The following DHX32 variants were observed in gnomAD, a reference collection of about 807,000 sequenced individuals.
DHX32 encodes putative pre-mRNA-splicing factor ATP-dependent RNA helicase DHX32.
DHX32 carries 51 observed loss-of-function variants against 70.0 expected under a neutral mutation model. The ratio of observed to expected loss-of-function variants is 0.73; its 90% CI spans 0.58 to 0.92. The LOEUF (loss-of-function observed/expected upper bound fraction) is 0.92, where lower values mean the gene tolerates loss of function less well. Ranked by LOEUF, DHX32 falls within the 40% of genes least tolerant of loss-of-function variation. DHX32 has a pLI of 0.00. For missense variants in DHX32, 762 were observed against 891.8 expected (o/e 0.85, Z 1.85); for synonymous variants, 310 against 315.3 (o/e 0.98, Z 0.18).
At chr10:125,873,527 G>C (rs1017309830) in intron 1 of DHX32, among the ~76,000 whole-genome samples, 1 of 152,010 alleles carries the variant, frequency 6.6e-6, no homozygotes, top group African/African-American at 2.4e-5. Context: ...TTCAGTACCA[G>C]AAAAACAGAA....
chr10:125,885,560 GA>G (rs1589719180), upstream of DHX32, among the ~76,000 whole-genome samples: 3 of 152,154 alleles, frequency 2.0e-5, no homozygotes, highest in East Asian at 5.8e-4. Flanking sequence ...TGACCTCTAG[GA>G]GCTAGAAGAG....
chr10:125,874,714 T>G (rs1386957389), intron 1 of DHX32, among the ~76,000 whole-genome samples: 1 of 152,154 alleles, frequency 6.6e-6, no homozygotes, highest in Non-Finnish European at 1.5e-5. Flanking sequence ...GAATAAACCC[T>G]GTAGTGCTAA....
At position 125,867,141 on chromosome 10, in the gene DHX32, G is replaced by T; in HGVS notation, c.325C>A (p.Gln109Lys). 1 of 1,614,106 alleles carries T rather than the reference G, an allele frequency of 6.2e-7. No homozygotes were observed. The highest frequency in any genetic ancestry group is 8.5e-7 in the Non-Finnish European group (1 of 1,180,016). ...CAEYCLSIHY[Q>K]HGGVICTQVH... Reference sequence around the variant, plus strand: ...TGTGTGCATATCACGCCCCCGTGCTGGTAGTGGATGGAAAGACAATATTCA... The same window carrying T: ...TGTGTGCATATCACGCCCCCGTGCTTGTAGTGGATGGAAAGACAATATTCA... The change falls in exon 2 of 11, where the codon CAG (glutamine) becomes AAG (lysine). Residue 109 changes from glutamine to lysine, a missense_variant. Around this residue, in one of 3 missense-constraint regions of DHX32, gnomAD observed 394 missense variants for 473.1 expected, o/e 0.83. Transcript: ENST00000284690.
intron 1 of DHX32, among the ~76,000 whole-genome samples, chr10:125,867,590 G>C (rs1025420733): frequency 6.6e-6 from 1 of 152,092 alleles, no homozygotes; most frequent in Admixed American, 6.6e-5. Context: ...CAAAAAATTA[G>C]CTAGGCGTGG....
chr10:125,840,141 T>C (rs1008191635), intron 8 of DHX32, among the ~76,000 whole-genome samples: 1 of 152,246 alleles, frequency 6.6e-6, no homozygotes, highest in Non-Finnish European at 1.5e-5. Context: ...CCTTACTGGC[T>C]GCCCTTTATG....
At chr10:125,848,749 G>A (rs1435622220) in intron 6 of DHX32, among the ~76,000 whole-genome samples, 1 of 152,196 alleles carries the variant, frequency 6.6e-6, no homozygotes, top group East Asian at 1.9e-4. Context: ...CTGTGGTGCA[G>A]AGCTCAGGTA....
chr10:125,892,500 C>T (rs1250787432), intron 1 of DHX32, among the ~76,000 whole-genome samples: 1 of 152,260 alleles, frequency 6.6e-6, no homozygotes, highest in Non-Finnish European at 1.5e-5. Flanking sequence ...TACTTCCTCC[C>T]ATTTTCTGCT....
chr10:125,860,182 A>C (rs1331738331), intron 2 of DHX32, among the ~76,000 whole-genome samples: 1 of 152,148 alleles, frequency 6.6e-6, no homozygotes, highest in South Asian at 2.1e-4. Flanking sequence ...CCCAGTTTGT[A>C]TATGTTCATG....
At chr10:125,853,551 A>G in intron 4 of DHX32, 1 of 215,696 alleles carries the variant, frequency 4.6e-6, no homozygotes, top group Non-Finnish European at 9.0e-6. Context: ...TCTCTGGGGT[A>G]AGATACTAAT....
At chr10:125,855,147 G>A (rs773068962) in intron 3 of DHX32, among the ~76,000 whole-genome samples, 62 of 151,722 alleles carry the variant, frequency 4.1e-4, no homozygotes, top group Non-Finnish European at 6.5e-4. Flanking sequence ...ACTTGAACCC[G>A]GGAGACAGAG....
chr10:125,839,278 G>T, intron 8 of DHX32, 90 bp from the exon 9 acceptor site: 2 of 1,352,454 alleles, frequency 1.5e-6, no homozygotes, highest in Non-Finnish European at 2.0e-6. Flanking sequence ...TTTAAGCCCT[G>T]TGCTCTCCTC....
chr10:125,881,239 T>A lies in DHX32; in HGVS notation c.-415A>T, dbSNP rs1017335493. ...AGAACAGGAATAATTTAGGCTGGTGTTTAAAGTTTGGTGGGTTCCGGTATT... is the reference window on the plus strand; with the variant it reads ...AGAACAGGAATAATTTAGGCTGGTGATTAAAGTTTGGTGGGTTCCGGTATT... On this transcript the variant is annotated 5_prime_UTR_variant, in exon 1 of 11. Coordinates refer to ENST00000284690, the MANE Select transcript of DHX32 (RefSeq NM_018180.3). The A allele has an allele frequency of 6.4e-6, 1 of 156,620 alleles. No homozygotes were observed. The highest frequency in any genetic ancestry group is 2.4e-5 in the African/African-American group (1 of 41,466). The allele number at this position is 156,620 out of a possible 1,614,324, so 9.7% of individuals were successfully genotyped here.
At chr10:125,884,244 T>G (rs865928227), upstream of DHX32, among the ~76,000 whole-genome samples, 1 of 152,156 alleles carries the variant, frequency 6.6e-6, no homozygotes, top group Admixed American at 6.6e-5. Context: ...TTGCAACTGG[T>G]GTAAGCCATG....
At chr10:125,862,765 TC>T (rs1242480703) in intron 2 of DHX32, among the ~76,000 whole-genome samples, 1 of 152,032 alleles carries the variant, frequency 6.6e-6, no homozygotes, top group Non-Finnish European at 1.5e-5. Flanking sequence ...AGGTGGGAGA[TC>T]ACTCCAGCCC....
chr10:125,867,586 A>G (rs1014063643), intron 1 of DHX32, among the ~76,000 whole-genome samples: 4 of 152,082 alleles, frequency 2.6e-5, no homozygotes, highest in African/African-American at 9.7e-5. Flanking sequence ...AATACAAAAA[A>G]TTAGCTAGGC....
At chr10:125,880,274 C>G (rs1944309247) in intron 1 of DHX32, among the ~76,000 whole-genome samples, 1 of 152,104 alleles carries the variant, frequency 6.6e-6, no homozygotes, top group Non-Finnish European at 1.5e-5. Flanking sequence ...AAATTTAATA[C>G]TAGGATCATT....
intron 7 of DHX32, chr10:125,841,520 A>G (rs1370236696): frequency 1.4e-6 from 2 of 1,433,444 alleles, no homozygotes; most frequent in East Asian, 5.1e-5. Context: ...TGATGTATAA[A>G]TTTGCTGAAC....
At chr10:125,874,483 T>TA (rs990646627) in intron 1 of DHX32, among the ~76,000 whole-genome samples, 3 of 152,224 alleles carry the variant, frequency 2.0e-5, no homozygotes, top group African/African-American at 7.2e-5. Context: ...ATATAACATA[T>TA]AACAATTCTT....
At chr10:125,853,087 G>A in intron 4 of DHX32, 1 of 1,447,402 alleles carries the variant, frequency 6.9e-7, no homozygotes, top group African/African-American at 1.4e-5. Flanking sequence ...AGCTAATACA[G>A]AAACTGCGTA....
Sources: allele counts gnomAD v4.1 joint callset (sites outside exome capture counted in the v4.1 genomes callset), GRCh38; gene constraint gnomAD v4.1.1; regional missense constraint gnomAD v4.1.1; transcripts MANE v1.5; gene names NCBI Gene and HGNC (gene_info 2026-07-23, HGNC 2026-07-21).